Variants in MINPP1 observed in about 807,000 individuals in gnomAD.
The protein encoded by MINPP1 is multiple inositol-polyphosphate phosphatase 1.
Under a neutral mutation model 46.1 loss-of-function variants are expected in MINPP1, and 28 were observed. The observed-to-expected ratio is 0.61, with a 90% CI of 0.45 to 0.83. MINPP1 has a LOEUF of 0.83. Ranked by LOEUF, MINPP1 falls within the 40% of genes least tolerant of loss-of-function variation. MINPP1 has a pLI of 0.00. For synonymous variants in MINPP1, 268 were observed against 249.1 expected (o/e 1.08, Z -0.72); for missense variants, 603 against 610.0 (o/e 0.99, Z 0.12).
Position 87,552,260 on chromosome 10 carries a change from A to T in MINPP1, c.1246A>T (p.Ile416Leu). The T allele has an allele frequency of 6.2e-7, 1 of 1,613,862 alleles. No homozygotes were observed. Among genetic ancestry groups the T allele is most frequent in the Non-Finnish European group, 8.5e-7 (1 of 1,179,826 alleles). ...GLIVPYASNL[I>L]FVLYHCENAK... ...CATTGTACCTTATGCCTCGAACCTG[A>T]TATTTGTGCTTTACCACTGTGAAAA... Residue 416 changes from isoleucine to leucine, a missense_variant, in exon 5 of 5, where the codon ATA (isoleucine) becomes TTA (leucine). Physicochemically the swap from Ile to Leu is conservative, Grantham distance 5. Coordinates refer to ENST00000371996, the MANE Select transcript of MINPP1 (RefSeq NM_004897.5).
intron 4 of MINPP1, among the ~76,000 whole-genome samples, chr10:87,525,260 T>A (rs1851559918): frequency 6.6e-6 from 1 of 152,216 alleles, no homozygotes; most frequent in African/African-American, 2.4e-5. Context: ...AGAAACTCTA[T>A]ATGCTGTGCC....
intron 2 of MINPP1, among the ~76,000 whole-genome samples, chr10:87,509,988 G>A (rs1193815739): frequency 6.6e-6 from 1 of 152,172 alleles, no homozygotes; most frequent in African/African-American, 2.4e-5. Context: ...CTTTTTGGAA[G>A]CAGTATTAAG....
At position 87,532,588 on chromosome 10, in the gene MINPP1, C is replaced by G. The variant is rs1322340847; in HGVS notation, c.1067+11419C>G. ...TTTCCTGGGACTGGGTATCTCTGTA[C>G]TAAAAGACTGATGAGGATTTTAAAA... is the stretch of plus-strand genomic sequence containing the variant. On this transcript the variant is annotated intron_variant, in intron 4 of 4. Transcript: ENST00000371996. Among the ~76,000 whole-genome samples, 11 of 152,214 alleles carry G rather than the reference C, an allele frequency of 7.2e-5. No individual in the cohort carries two copies. In the East Asian group the frequency reaches 2.1e-3, roughly 29 times the overall value.
At chr10:87,538,960 T>C (rs1851775930) in intron 4 of MINPP1, among the ~76,000 whole-genome samples, 1 of 152,234 alleles carries the variant, frequency 6.6e-6, no homozygotes, top group South Asian at 2.1e-4. Context: ...GTATCCTTTA[T>C]CTACTTTGAA....
Position 87,552,567 on chromosome 10 carries a change from G to C in MINPP1, c.*89G>C. On this transcript the variant is annotated 3_prime_UTR_variant, in exon 5 of 5. Transcript: ENST00000371996. ...GTAGGCAATTCCTTGATTACAGGAA[G>C]CTTTTATATTACTTGAGTATTTCTG... 7.7e-7 allele frequency: 1 copy of C among 1,294,050 alleles called. No homozygotes were observed. Among genetic ancestry groups the C allele is most frequent in the East Asian group, 2.3e-5 (1 of 43,166 alleles). The allele number at this position is 1,294,050 out of a possible 1,614,324, so 80.2% of individuals were successfully genotyped here. A position where few individuals can be genotyped will look rare whatever the true frequency, so the allele number is the denominator to read the frequency against.
At chr10:87,546,512 A>G (rs145767617) in intron 4 of MINPP1, 91 of 152,342 alleles carry the variant, frequency 6.0e-4, no homozygotes, top group Middle Eastern at 3.4e-3. Context: ...TATCTCAATC[A>G]GCTTTTTATA....
In MINPP1 at chr10:87,508,494, G is replaced by A. The variant is rs762258613; in HGVS notation, c.796G>A (p.Ala266Thr). 3.1e-6 allele frequency: 5 copies of A among 1,613,796 alleles called. No homozygotes were observed. In the South Asian group the frequency reaches 5.5e-5, roughly 18 times the overall value. Residue 266 changes from alanine to threonine, a missense_variant, in exon 2 of 5, where the codon GCA (alanine) becomes ACA (threonine). Coordinates refer to ENST00000371996, the MANE Select transcript of MINPP1 (RefSeq NM_004897.5). ...PEMQNILKKV[A>T]ATLQVPVNDL... is the part of the protein sequence containing the mutation. ...AATGCAGAACATTTTAAAAAAAGTTGCAGCTACTTTGCAAGTGCCAGTAAA... is the reference window on the plus strand; with the variant it reads ...AATGCAGAACATTTTAAAAAAAGTTACAGCTACTTTGCAAGTGCCAGTAAA...
intron 3 of MINPP1, among the ~76,000 whole-genome samples, chr10:87,518,276 A>T (rs1468952705): frequency 6.6e-6 from 1 of 150,878 alleles, no homozygotes; most frequent in Non-Finnish European, 1.5e-5. Flanking sequence ...TTTTTTAAAT[A>T]TAAAGTTTTA....
chr10:87,551,175 T>C (rs1253928816), intron 4 of MINPP1, among the ~76,000 whole-genome samples: 1 of 151,948 alleles, frequency 6.6e-6, no homozygotes, highest in Non-Finnish European at 1.5e-5. Flanking sequence ...TGCTATCTGC[T>C]TGCTGTGTTT....
chr10:87,506,417 T>A (rs571599717), intron 1 of MINPP1, among the ~76,000 whole-genome samples: 46 of 152,328 alleles, frequency 3.0e-4, no homozygotes, highest in African/African-American at 1.1e-3. Context: ...ACCTCATGCC[T>A]ATTGTATGCC....
chr10:87,507,394 AG>A (rs1362461848), intron 1 of MINPP1, among the ~76,000 whole-genome samples: 1 of 152,214 alleles, frequency 6.6e-6, no homozygotes, highest in African/African-American at 2.4e-5. Flanking sequence ...AAGGTGACAA[AG>A]TTCGCTTATT....
At chr10:87,515,118 G>T (rs1851394786) in intron 3 of MINPP1, among the ~76,000 whole-genome samples, 1 of 152,076 alleles carries the variant, frequency 6.6e-6, no homozygotes, top group Non-Finnish European at 1.5e-5. Context: ...CGGGCGTGGT[G>T]GTTCATGCCT....
rs762562144 is a variant in MINPP1, at chr10:87,504,895, A to C, written c.-21A>C. The C allele has an allele frequency of 5.0e-6, 8 of 1,606,124 alleles. No individual in the cohort carries two copies. The highest frequency in any genetic ancestry group is 1.7e-5 in the Admixed American group (1 of 59,714). On this transcript the variant is annotated 5_prime_UTR_variant, in exon 1 of 5. Transcript: ENST00000371996. ...TGGGCATCTGCAGCTGGCTCGGCGCACTCCACTGACCGTCCCGACGATGCT... is the reference window on the plus strand; with the variant it reads ...TGGGCATCTGCAGCTGGCTCGGCGCCCTCCACTGACCGTCCCGACGATGCT...
intron 4 of MINPP1, among the ~76,000 whole-genome samples, chr10:87,548,685 G>A (rs1278734950): frequency 6.6e-6 from 1 of 151,924 alleles, no homozygotes; most frequent in African/African-American, 2.4e-5. Context: ...AATTATAAGT[G>A]TATTATTCCC....
Position 87,513,115 on chromosome 10 carries a change from T to C in MINPP1, c.836-9T>C, listed in dbSNP as rs199609056. 1.7e-3 allele frequency: 2,665 copies of C among 1,610,388 alleles called. 6 individuals carry two copies. The highest frequency in any genetic ancestry group is 1.7e-3 in the Non-Finnish European group (2,044 of 1,176,754). The stretch of plus-strand genomic sequence containing the variant: ...TGACCCACAAAATTTTACCTTTTTT[T>C]CCCCCCAGATTTAATTCAAGTAGCC... On this transcript the variant is annotated splice_polypyrimidine_tract_variant and intron_variant, in intron 2 of 4. Transcript: ENST00000371996.
chr10:87,506,462 C>A (rs757066344), intron 1 of MINPP1, among the ~76,000 whole-genome samples: 1 of 152,144 alleles, frequency 6.6e-6, no homozygotes, highest in Non-Finnish European at 1.5e-5. Flanking sequence ...AAAATCCTTA[C>A]AACCACAATC....
intron 4 of MINPP1, among the ~76,000 whole-genome samples, chr10:87,548,646 T>C (rs1386813972): frequency 1.3e-5 from 2 of 151,976 alleles, no homozygotes; most frequent in African/African-American, 4.8e-5. Context: ...TACTTGGTTA[T>C]TGTAAAAATA....
intron 4 of MINPP1, among the ~76,000 whole-genome samples, chr10:87,529,002 G>A (rs920390881): frequency 2.0e-5 from 3 of 152,132 alleles, no homozygotes; most frequent in Admixed American, 2.0e-4. Context: ...CTGGTGTAAA[G>A]TCTGTTTTAT....
chr10:87,508,679 T>C (rs1395813899), intron 2 of MINPP1, 146 bp downstream of exon 2: 1 of 771,306 alleles, frequency 1.3e-6, no homozygotes, highest in East Asian at 2.7e-5. Context: ...AAAAAAATTG[T>C]ATACCTTGTG....
Sources: allele counts gnomAD v4.1 joint callset (sites outside exome capture counted in the v4.1 genomes callset), GRCh38; gene constraint gnomAD v4.1.1; transcripts MANE v1.5; gene names NCBI Gene and HGNC (gene_info 2026-07-23, HGNC 2026-07-21).